The following GNA14 variants were observed in gnomAD, a reference collection of about 807,000 sequenced individuals.
The protein encoded by GNA14 is guanine nucleotide-binding protein subunit alpha-14.
GNA14 carries 50 observed loss-of-function variants against 42.0 expected under a neutral mutation model. That is an observed-to-expected ratio of 1.19 (90% CI 0.95 to 1.51). The LOEUF is 1.51. Among genes scored for constraint, GNA14 ranks in the 40% most tolerant of loss-of-function variants. The pLI, the probability that GNA14 is intolerant of heterozygous loss-of-function variation, is 0.00. For missense variants in GNA14, 473 were observed against 446.2 expected (o/e 1.06, Z -0.54); for synonymous variants, 173 against 163.1 (o/e 1.06, Z -0.46).
intron 1 of GNA14, among the ~76,000 whole-genome samples, chr9:77,597,519 T>C (rs1823485713): frequency 6.6e-6 from 1 of 152,090 alleles, no homozygotes; most frequent in Non-Finnish European, 1.5e-5. Context: ...ATTCAAATGA[T>C]TCTTTTTCTG....
At chr9:77,642,915 C>T (rs1824291167) in intron 1 of GNA14, among the ~76,000 whole-genome samples, 1 of 152,210 alleles carries the variant, frequency 6.6e-6, no homozygotes, top group African/African-American at 2.4e-5. Context: ...TTGTGCATGT[C>T]TCACCCAAGC....
intron 2 of GNA14, among the ~76,000 whole-genome samples, chr9:77,476,481 C>A (rs1836425288): frequency 6.6e-6 from 1 of 152,162 alleles, no homozygotes. Flanking sequence ...AAAGCTCCCA[C>A]ACAGGAGTGT....
chr9:77,647,341 G>A (rs1429827627), intron 1 of GNA14, among the ~76,000 whole-genome samples: 1 of 152,222 alleles, frequency 6.6e-6, no homozygotes, highest in Admixed American at 6.5e-5. Context: ...CAAGCTGGGT[G>A]TGCTGCGGGC....
At chr9:77,574,293 G>C (rs1482672915) in intron 1 of GNA14, among the ~76,000 whole-genome samples, 2 of 152,152 alleles carry the variant, frequency 1.3e-5, no homozygotes, top group Non-Finnish European at 2.9e-5. Flanking sequence ...TGAAGAAAAA[G>C]GCAAAGTAAA....
chr9:77,460,500 A>T (rs1836085165), intron 2 of GNA14, among the ~76,000 whole-genome samples: 1 of 152,240 alleles, frequency 6.6e-6, no homozygotes, highest in Non-Finnish European at 1.5e-5. Flanking sequence ...CAGTTTGTTA[A>T]GACAGCCCCA....
chr9:77,564,025 T>C (rs1440427817), intron 1 of GNA14, among the ~76,000 whole-genome samples: 1 of 152,230 alleles, frequency 6.6e-6, no homozygotes, highest in Non-Finnish European at 1.5e-5. Flanking sequence ...TCAGCTCGTT[T>C]GATCTATTTT....
At chr9:77,564,312 A>C (rs909706000) in intron 1 of GNA14, among the ~76,000 whole-genome samples, 3 of 151,506 alleles carry the variant, frequency 2.0e-5, no homozygotes, top group Admixed American at 1.3e-4. Context: ...AAAAAAAAAA[A>C]AACTTATTTT....
In GNA14 at chr9:77,434,409, G is replaced by A. The variant is rs781037090; in HGVS notation, c.423C>T (p.Tyr141=). ...LWQDPGIQEC[Y]DRRREYQLSD... ...ACAGCTGGTACTCCCTCCTCCTGTC[G>A]TAACACTCCTGGATGCCTGGATCTT... Residue 141 remains tyrosine (Y), a synonymous_variant, in exon 3 of 7, where the codon TAC becomes TAT. Transcript: ENST00000341700. 9.9e-6 allele frequency: 16 copies of A among 1,613,968 alleles called. No homozygotes were observed. The highest frequency in any genetic ancestry group is 1.3e-5 in the African/African-American group (1 of 74,910).
At chr9:77,488,825 A>G (rs1043093291) in intron 2 of GNA14, among the ~76,000 whole-genome samples, 1 of 151,310 alleles carries the variant, frequency 6.6e-6, no homozygotes. Flanking sequence ...CAAGCCAGAC[A>G]GAGAAGACTG....
At chr9:77,513,974 A>T (rs767227354) in intron 2 of GNA14, among the ~76,000 whole-genome samples, 6 of 151,288 alleles carry the variant, frequency 4.0e-5, no homozygotes, top group Non-Finnish European at 8.8e-5. Context: ...TTTGGCCCTC[A>T]GGGATTCTAA....
intron 2 of GNA14, among the ~76,000 whole-genome samples, chr9:77,492,029 G>T (rs369016342): frequency 6.6e-6 from 1 of 151,982 alleles, no homozygotes. Flanking sequence ...ACAAATATTT[G>T]GATATTAAAC....
chr9:77,600,995 G>A (rs1823551830), intron 1 of GNA14, among the ~76,000 whole-genome samples: 1 of 152,170 alleles, frequency 6.6e-6, no homozygotes, highest in Admixed American at 6.5e-5. Flanking sequence ...GGAAAGGGTC[G>A]TCCGAGAATC....
chr9:77,549,712 G>A (rs1044308336), intron 1 of GNA14, among the ~76,000 whole-genome samples: 6 of 152,188 alleles, frequency 3.9e-5, no homozygotes, highest in African/African-American at 7.2e-5. Context: ...GGCTCTTGGC[G>A]CCACCCTAAG....
Position 77,648,046 on chromosome 9 carries a change from C to T in GNA14, c.-253G>A, listed in dbSNP as rs1255978777. On this transcript the variant is annotated 5_prime_UTR_variant, in exon 1 of 7. Coordinates refer to ENST00000341700, the MANE Select transcript of GNA14 (RefSeq NM_004297.4). ...CCCCGGATCCGGGCTCAGCCCGCCC[C>T]ACTCTCGCTCTGGGGAGGAGGAGGG... The T allele has an allele frequency of 5.9e-6, 3 of 511,232 alleles. No individual in the cohort carries two copies. The highest frequency in any genetic ancestry group is 1.0e-5 in the Non-Finnish European group (3 of 292,642). The allele number at this position is 511,232 out of a possible 1,614,324, so 31.7% of individuals were successfully genotyped here. A position where few individuals can be genotyped will look rare whatever the true frequency, so the allele number is the denominator to read the frequency against.
chr9:77,515,971 A>AAAACAAAAAAAAC (rs1837250427), intron 2 of GNA14, among the ~76,000 whole-genome samples: 1 of 147,206 alleles, frequency 6.8e-6, no homozygotes, highest in Non-Finnish European at 1.5e-5. Context: ...AAAAAAAAAA[A>AAAACAAAAAAAAC]AAAAAAAAAA....
intron 2 of GNA14, among the ~76,000 whole-genome samples, chr9:77,512,548 T>A (rs1437491289): frequency 2.0e-5 from 3 of 152,162 alleles, no homozygotes; most frequent in African/African-American, 7.2e-5. Flanking sequence ...CATTCAAAGG[T>A]AATCATTTTT....
chr9:77,507,979 A>C (rs968964341), intron 2 of GNA14, among the ~76,000 whole-genome samples: 1 of 152,024 alleles, frequency 6.6e-6, no homozygotes, highest in Non-Finnish European at 1.5e-5. Context: ...CGGCCTCCCA[A>C]AGTGCTGGGA....
At chr9:77,511,306 C>G (rs1213938766) in intron 2 of GNA14, among the ~76,000 whole-genome samples, 2 of 152,128 alleles carry the variant, frequency 1.3e-5, no homozygotes, top group African/African-American at 4.8e-5. Flanking sequence ...CTGGGATACA[C>G]CTTGCTCTTA....
At chr9:77,515,155 C>T (rs1054271299) in intron 2 of GNA14, among the ~76,000 whole-genome samples, 1 of 152,074 alleles carries the variant, frequency 6.6e-6, no homozygotes. Context: ...CATTCCTTTG[C>T]CCCAGGAATG....
Sources: allele counts gnomAD v4.1 joint callset (sites outside exome capture counted in the v4.1 genomes callset), GRCh38; gene constraint gnomAD v4.1.1; transcripts MANE v1.5; gene names NCBI Gene and HGNC (gene_info 2026-07-23, HGNC 2026-07-21).